The following FRMD5 variants were observed in gnomAD, a reference collection of about 807,000 sequenced individuals.
The protein encoded by FRMD5 is FERM domain-containing protein 5.
Under a neutral mutation model 69.0 loss-of-function variants are expected in FRMD5, and 20 were observed. The observed-to-expected ratio is 0.29, with a 90% CI of 0.20 to 0.42. The LOEUF is 0.42. Ranked by LOEUF, FRMD5 falls within the 10% of genes least tolerant of loss-of-function variation. FRMD5 has a pLI of 1.00. For missense variants in FRMD5, 595 were observed against 708.6 expected (o/e 0.84, Z 1.82); for synonymous variants, 271 against 260.1 (o/e 1.04, Z -0.40).
chr15:43,933,039 T>A (rs2089701986), intron 1 of FRMD5, among the ~76,000 whole-genome samples: 1 of 152,186 alleles, frequency 6.6e-6, no homozygotes, highest in African/African-American at 2.4e-5. Context: ...AAAAGCCACG[T>A]TTATGCCTCC....
intron 5 of FRMD5, among the ~76,000 whole-genome samples, chr15:43,906,984 T>TC (rs1343982115): frequency 2.0e-5 from 3 of 152,128 alleles, no homozygotes; most frequent in African/African-American, 7.2e-5. Flanking sequence ...AGAGAGTTTA[T>TC]CTCTAAACCT....
At position 43,950,687 on chromosome 15, in the gene FRMD5, AGAT is replaced by A. The variant is rs573760296; in HGVS notation, c.103-26381_103-26379del. Among the ~76,000 whole-genome samples, 272 of 152,292 alleles carry A rather than the reference AGAT, an allele frequency of 1.8e-3. 1 individual carries two copies. The highest frequency in any genetic ancestry group is 2.8e-3 in the Non-Finnish European group (188 of 68,028). On this transcript the variant is annotated intron_variant, in intron 1 of 13. Transcript: ENST00000417257. ...GCTCAGCTTGGGACCTGGCATCCTG[AGAT>A]GATGAAGAGAATTTTGACAATAAGG... is the stretch of plus-strand genomic sequence containing the variant.
intron 1 of FRMD5, among the ~76,000 whole-genome samples, chr15:44,098,352 C>T (rs538709171): frequency 3.3e-4 from 50 of 152,044 alleles, no homozygotes; most frequent in Admixed American, 3.2e-3. Flanking sequence ...TGGTGAAACC[C>T]TATCTCTACT....
Position 44,153,617 on chromosome 15 carries a change from G to C in FRMD5, c.102+41336C>G, listed in dbSNP as rs773891623. ...TACAGATGAAAAAGACTGTGGAGGT[G>C]GATGGTGGTAATGGTTGCACATTAT... On this transcript the variant is annotated intron_variant, in intron 1 of 13. Coordinates refer to ENST00000417257, the MANE Select transcript of FRMD5 (RefSeq NM_032892.5). 4.6e-5 allele frequency among the ~76,000 whole-genome samples: 7 copies of C among 152,306 alleles called. No individual in the cohort carries two copies. The South Asian group carries it at 1.5e-3, about 32-fold the overall frequency.
chr15:43,928,954 T>C (rs77131126), intron 1 of FRMD5, among the ~76,000 whole-genome samples: 1 of 152,220 alleles, frequency 6.6e-6, no homozygotes, highest in Non-Finnish European at 1.5e-5. Context: ...AAAGACATTA[T>C]TGGATCAAAA....
rs151194904 is a variant in FRMD5, at chr15:44,102,336, G to T, written c.102+92617C>A. 2.0e-5 allele frequency among the ~76,000 whole-genome samples: 3 copies of T among 152,350 alleles called. No individual in the cohort carries two copies. The East Asian group carries it at 5.8e-4, about 29-fold the overall frequency. ...TGAGTTCCACTCAAGGAAAGATTGAGTTCTGAGAAGGAAGGAGTTGTCAGG... is the reference window on the plus strand; with the variant it reads ...TGAGTTCCACTCAAGGAAAGATTGATTTCTGAGAAGGAAGGAGTTGTCAGG... On this transcript the variant is annotated intron_variant, in intron 1 of 13. Transcript: ENST00000417257.
intron 1 of FRMD5, among the ~76,000 whole-genome samples, chr15:44,049,273 T>G (rs965049828): frequency 1.3e-5 from 2 of 152,216 alleles, no homozygotes; most frequent in Non-Finnish European, 2.9e-5. Context: ...TGAGTTTTAC[T>G]TCTCCTGGAA....
At chr15:44,079,100 A>G (rs542275374) in intron 1 of FRMD5, among the ~76,000 whole-genome samples, 41 of 152,282 alleles carry the variant, frequency 2.7e-4, no homozygotes, top group South Asian at 2.1e-4. Context: ...AAAAATAGGT[A>G]AAGGACTTGA....
At chr15:44,088,292 T>C (rs1894289483) in intron 1 of FRMD5, among the ~76,000 whole-genome samples, 1 of 152,150 alleles carries the variant, frequency 6.6e-6, no homozygotes, top group Non-Finnish European at 1.5e-5. Context: ...CCATTAGCAG[T>C]CACTCCTCAC....
intron 1 of FRMD5, among the ~76,000 whole-genome samples, chr15:44,120,771 G>A (rs1471043465): frequency 1.3e-5 from 2 of 151,376 alleles, no homozygotes; most frequent in South Asian, 2.1e-4. Flanking sequence ...CTCGTGATCC[G>A]CCCGTCTCAG....
chr15:43,905,921 T>C lies in FRMD5; in HGVS notation c.458A>G (p.His153Arg). Residue 153 changes from histidine to arginine, a missense_variant, in exon 6 of 14, where the codon CAC becomes CGC. By Grantham distance (29) the His-to-Arg change is conservative (BLOSUM62 0). Around this residue, in one of 5 missense-constraint regions of FRMD5, gnomAD observed 51 missense variants for 41.7 expected, o/e 1.22. Coordinates refer to ENST00000417257, the MANE Select transcript of FRMD5 (RefSeq NM_032892.5). Reference sequence around the variant, plus strand: ...GAACTTGGAGCTGTAGCCTTCAGGGTGTTTCCCTGAGTCATAATCCCCAAT... The same window carrying C: ...GAACTTGGAGCTGTAGCCTTCAGGGCGTTTCCCTGAGTCATAATCCCCAAT... Reference protein sequence around the residue: ...AEIGDYDSGKHPEGYSSKFQF... With the variant: ...AEIGDYDSGKRPEGYSSKFQF... 1 of 1,613,958 alleles carries C rather than the reference T, an allele frequency of 6.2e-7. No individual in the cohort carries two copies. Among genetic ancestry groups the C allele is most frequent in the Non-Finnish European group, 8.5e-7 (1 of 1,179,786 alleles).
At chr15:44,035,890 G>A (rs1891886131) in intron 1 of FRMD5, among the ~76,000 whole-genome samples, 1 of 152,116 alleles carries the variant, frequency 6.6e-6, no homozygotes, top group Admixed American at 6.6e-5. Flanking sequence ...CAGCTGGGAG[G>A]TTTTTATTTT....
In FRMD5 at chr15:43,934,717, T is replaced by C. The variant is rs8034128; in HGVS notation, c.103-10408A>G. On this transcript the variant is annotated intron_variant, in intron 1 of 13. Transcript: ENST00000417257. ...CCCATTAGATCATCTAATGCCCGCCTCCAGCCTCATAAAATGAGGATCGTT... is the reference window on the plus strand; with the variant it reads ...CCCATTAGATCATCTAATGCCCGCCCCCAGCCTCATAAAATGAGGATCGTT... Among the ~76,000 whole-genome samples the C allele has an allele frequency of 2.0e-3, 303 of 152,336 alleles. 2 individuals carry two copies. The highest frequency in any genetic ancestry group is 7.1e-3 in the African/African-American group (295 of 41,576).
chr15:43,905,249 G>A (rs1042085021), intron 6 of FRMD5, among the ~76,000 whole-genome samples: 1 of 148,520 alleles, frequency 6.7e-6, no homozygotes, highest in Admixed American at 6.8e-5. Context: ...CGATTCTCCC[G>A]CCTCAGCCTC....
At position 44,032,769 on chromosome 15, in the gene FRMD5, T is replaced by C. The variant is rs541218016; in HGVS notation, c.103-108460A>G. Among the ~76,000 whole-genome samples, 3 of 152,306 alleles carry C rather than the reference T, an allele frequency of 2.0e-5. No homozygotes were observed. The East Asian group carries it at 5.8e-4, about 29-fold the overall frequency. Reference sequence around the variant, plus strand: ...ACTGTTGGTGGGAGTGTAAATTAGTTCAACCATTGTGGAAAGCAGTATGGC... The same window carrying C: ...ACTGTTGGTGGGAGTGTAAATTAGTCCAACCATTGTGGAAAGCAGTATGGC... On this transcript the variant is annotated intron_variant, in intron 1 of 13. Coordinates refer to ENST00000417257, the MANE Select transcript of FRMD5 (RefSeq NM_032892.5).
intron 1 of FRMD5, among the ~76,000 whole-genome samples, chr15:44,088,503 C>T (rs1348616298): frequency 6.6e-6 from 1 of 152,122 alleles, no homozygotes; most frequent in Non-Finnish European, 1.5e-5. Context: ...TGCCCTGATT[C>T]TTGTTCCACA....
intron 7 of FRMD5, among the ~76,000 whole-genome samples, chr15:43,896,333 C>T (rs530691058): frequency 1.2e-4 from 18 of 152,324 alleles, no homozygotes; most frequent in African/African-American, 4.1e-4. Flanking sequence ...CTCCAAACCT[C>T]GGTTTCCTCA....
intron 5 of FRMD5, among the ~76,000 whole-genome samples, chr15:43,906,601 T>A (rs909122468): frequency 6.6e-6 from 1 of 152,032 alleles, no homozygotes; most frequent in African/African-American, 2.4e-5. Flanking sequence ...CAAGTTCTTT[T>A]TTTTTGTTTG....
chr15:43,977,352 G>A (rs2090479829), intron 1 of FRMD5, among the ~76,000 whole-genome samples: 1 of 152,128 alleles, frequency 6.6e-6, no homozygotes, highest in Non-Finnish European at 1.5e-5. Flanking sequence ...CATCACTATT[G>A]TTAATTCTCA....
Sources: gnomAD v4.1 joint callset for allele counts (sites outside exome capture counted in the v4.1 genomes callset) on GRCh38, gnomAD v4.1.1 for gene constraint, gnomAD v4.1.1 regional missense constraint, MANE v1.5 for transcripts, NCBI Gene and HGNC (gene_info 2026-07-23, HGNC 2026-07-21) for gene names.